Variants in WDFY1 observed in about 807,000 individuals in gnomAD.
WDFY1 encodes the protein WD repeat and FYVE domain containing 1, also known as WD repeat and FYVE domain-containing protein 1.
WDFY1 carries 32 observed loss-of-function variants against 56.4 expected under a neutral mutation model. That is an observed-to-expected ratio of 0.57 (90% confidence interval 0.43 to 0.76). The LOEUF is 0.76. Among genes scored for constraint, WDFY1 ranks in the 30% least tolerant of loss-of-function variants. The pLI, the probability that WDFY1 is intolerant of heterozygous loss-of-function variation, is 0.00. For missense variants in WDFY1, 480 were observed against 545.7 expected (o/e 0.88, Z 1.20); for synonymous variants, 192 against 197.3 (o/e 0.97, Z 0.23).
At chr2:223,931,966 G>A (rs142490882) in intron 1 of WDFY1, among the ~76,000 whole-genome samples, 165 of 149,114 alleles carry the variant, frequency 1.1e-3, no homozygotes, top group Non-Finnish European at 1.8e-3. Context: ...GATTACAGGC[G>A]TGAGCCACTG....
At chr2:223,897,718 G>C (rs1693421858) in intron 6 of WDFY1, among the ~76,000 whole-genome samples, 1 of 152,012 alleles carries the variant, frequency 6.6e-6, no homozygotes, top group African/African-American at 2.4e-5. Context: ...CAATGTTGCA[G>C]GTGGGGCTTG....
At chr2:223,918,056 T>C (rs1292056613) in intron 1 of WDFY1, 46 bp from the exon 2 acceptor site, 2 of 1,594,620 alleles carry the variant, frequency 1.3e-6, no homozygotes, top group Non-Finnish European at 1.7e-6. Context: ...TTAGTAATTT[T>C]ATCTTTTGTG....
chr2:223,939,318 G>A (rs1689258621), intron 1 of WDFY1, among the ~76,000 whole-genome samples: 2 of 152,174 alleles, frequency 1.3e-5, no homozygotes, highest in Non-Finnish European at 2.9e-5. Flanking sequence ...AGTACATGAA[G>A]CCCGGACTGG....
intron 2 of WDFY1, among the ~76,000 whole-genome samples, chr2:223,914,477 T>C (rs1693756444): frequency 6.6e-6 from 1 of 152,234 alleles, no homozygotes; most frequent in Admixed American, 6.5e-5. Flanking sequence ...ATATATAACT[T>C]ATGATTGCTC....
At chr2:223,899,578 C>T (rs1360743227) in intron 5 of WDFY1, among the ~76,000 whole-genome samples, 3 of 152,092 alleles carry the variant, frequency 2.0e-5, no homozygotes, top group African/African-American at 7.2e-5. Flanking sequence ...AACCCCGTCT[C>T]TACTAAAAAC....
chr2:223,901,429 A>G, intron 4 of WDFY1, 96 bp from the exon 5 acceptor site: 1 of 1,423,138 alleles, frequency 7.0e-7, no homozygotes, highest in Non-Finnish European at 9.6e-7. Flanking sequence ...CAGCCAGGGC[A>G]CAGCTGTGTA....
intron 1 of WDFY1, among the ~76,000 whole-genome samples, chr2:223,925,212 T>C (rs1333279526): frequency 1.6e-5 from 1 of 64,488 alleles, no homozygotes; most frequent in Non-Finnish European, 3.9e-5. Flanking sequence ...GCTTTTTTGT[T>C]CCTAAAAAAA....
At chr2:223,920,815 A>T (rs592686) in intron 1 of WDFY1, among the ~76,000 whole-genome samples, 119,621 of 152,142 alleles carry the variant, frequency 0.79, 49,244 homozygotes, top group Non-Finnish European at 0.93. Context: ...TTTGCTTAAA[A>T]CAGAGAGTGG....
At chr2:223,920,421 G>A (rs1292465447) in intron 1 of WDFY1, among the ~76,000 whole-genome samples, 5 of 152,174 alleles carry the variant, frequency 3.3e-5, no homozygotes, top group African/African-American at 7.2e-5. Context: ...CTCCTAAGAA[G>A]GAAATATTAA....
chr2:223,897,388 A>ATT (rs1474375997), intron 6 of WDFY1, among the ~76,000 whole-genome samples: 3 of 125,084 alleles, frequency 2.4e-5, no homozygotes, highest in Admixed American at 8.8e-5. Flanking sequence ...ATATATATAT[A>ATT]TATTTTTTAA....
intron 1 of WDFY1, among the ~76,000 whole-genome samples, chr2:223,925,990 A>G (rs1412984336): frequency 2.6e-5 from 4 of 152,176 alleles, no homozygotes; most frequent in Non-Finnish European, 4.4e-5. Context: ...GCTGGAATCA[A>G]CTTCTTCCAA....
In WDFY1 at chr2:223,887,398, G is replaced by A. The variant is rs536439308; in HGVS notation, c.832-2649C>T. On this transcript the variant is annotated intron_variant, in intron 8 of 11. Coordinates refer to ENST00000233055, the MANE Select transcript of WDFY1 (RefSeq NM_020830.5). The stretch of plus-strand genomic sequence containing the variant: ...GCCATCTCCAAACAACTTCAGTAAG[G>A]GCTAATATGCTTTAAGGACGACACA... 2.3e-4 allele frequency among the ~76,000 whole-genome samples: 35 copies of A among 152,276 alleles called. No individual in the cohort carries two copies. In the South Asian group the frequency reaches 7.3e-3, roughly 32 times the overall value.
intron 1 of WDFY1, among the ~76,000 whole-genome samples, chr2:223,937,138 T>C (rs1464551043): frequency 1.3e-5 from 2 of 152,210 alleles, no homozygotes; most frequent in African/African-American, 4.8e-5. Flanking sequence ...GACCTGCAAG[T>C]AACCAAATAT....
chr2:223,945,039 G>A lies in WDFY1; in HGVS notation c.137+109C>T, dbSNP rs1024144279. ...GGGCGCAGAGTGGGGGTGGGGCCGTGCTGCCGGGGGAGCCCCCTCACGCAG... is the reference window on the plus strand; with the variant it reads ...GGGCGCAGAGTGGGGGTGGGGCCGTACTGCCGGGGGAGCCCCCTCACGCAG... On this transcript the variant is annotated intron_variant, in intron 1 of 11. Transcript: ENST00000233055. 3.6e-5 allele frequency: 47 copies of A among 1,303,458 alleles called. No individual in the cohort carries two copies. The African/African-American group carries it at 7.0e-4, about 19-fold the overall frequency. 80.7% of individuals were successfully genotyped at this position (1,303,458 alleles called of 1,614,324 possible). A position where few individuals can be genotyped will look rare whatever the true frequency, so the allele number is the denominator to read the frequency against.
At chr2:223,902,888 C>T (rs1386013506) in intron 4 of WDFY1, among the ~76,000 whole-genome samples, 7 of 152,028 alleles carry the variant, frequency 4.6e-5, no homozygotes, top group South Asian at 4.2e-4. Context: ...TTGTTAAACT[C>T]GGGCCAAACA....
chr2:223,882,063 T>C lies in WDFY1; in HGVS notation c.943A>G (p.Arg315Gly). The change falls in exon 10 of 12, where the codon AGG (arginine) becomes GGG (glycine). Residue 315 changes from arginine (R) to glycine (G), a missense_variant. Coordinates refer to ENST00000233055, the MANE Select transcript of WDFY1 (RefSeq NM_020830.5). ...KTLGLRQHHC[R>G]KCGQAVCGKC... The stretch of plus-strand genomic sequence containing the variant: ...CCGCAGACAGCCTGCCCGCATTTCC[T>C]GCAGTGATGCTTCACAGGTGACCGG... 1.2e-6 allele frequency: 2 copies of C among 1,613,442 alleles called. No individual in the cohort carries two copies. The highest frequency in any genetic ancestry group is 1.7e-6 in the Non-Finnish European group (2 of 1,179,580).
intron 5 of WDFY1, chr2:223,900,850 T>G: frequency 5.1e-6 from 1 of 196,708 alleles, no homozygotes; most frequent in African/African-American, 2.3e-5. Context: ...AGGGTTTGCA[T>G]TAATGGGCTT....
rs1341433827 is a variant in WDFY1 at position 223,878,114 on chromosome 2, G to T, written c.*557C>A. ...ATTATGGCACTACCTGAAAATAACA[G>T]ATCTCTTTAAGAAGTTTATCAATAA... On this transcript the variant is annotated 3_prime_UTR_variant, in exon 12 of 12. Transcript: ENST00000233055. 2.0e-5 allele frequency: 3 copies of T among 152,372 alleles called. No homozygotes were observed. Among genetic ancestry groups the T allele is most frequent in the Non-Finnish European group, 4.4e-5 (3 of 68,068 alleles). The allele number at this position is 152,372 out of a possible 1,614,324, so 9.4% of individuals were successfully genotyped here. A position where few individuals can be genotyped will look rare whatever the true frequency, so the allele number is the denominator to read the frequency against.
intron 3 of WDFY1, among the ~76,000 whole-genome samples, chr2:223,910,525 C>T (rs1161631414): frequency 6.7e-6 from 1 of 150,290 alleles, no homozygotes. Flanking sequence ...GGTCTAGTAT[C>T]TAACATACAG....
Sources: gnomAD v4.1 joint callset for allele counts (sites outside exome capture counted in the v4.1 genomes callset) on GRCh38, gnomAD v4.1.1 for gene constraint, MANE v1.5 for transcripts, NCBI Gene and HGNC (gene_info 2026-07-23, HGNC 2026-07-21) for gene names.